The following ZFHX3 variants were observed in gnomAD, a reference collection of about 807,000 sequenced individuals.
ZFHX3 encodes zinc finger homeobox 3.
Under a neutral mutation model 279.1 loss-of-function variants are expected in ZFHX3, and 42 were observed. The observed-to-expected ratio is 0.15, with a 90% CI of 0.12 to 0.19. The LOEUF (loss-of-function observed/expected upper bound fraction) is 0.19. ZFHX3 is among the 10% of genes least tolerant of loss of function. The pLI is 1.00. For synonymous variants in ZFHX3, 2,293 were observed against 1,957.8 expected, an observed-to-expected ratio of 1.17 and a Z score of -4.52; for missense variants, 4,981 against 4,754.0, an observed-to-expected ratio of 1.05 and a Z score of -1.40.
chr16:73,166,646 C>T (rs987245006), intron 5 of ZFHX3, among the ~76,000 whole-genome samples: 5 of 152,260 alleles, frequency 3.3e-5, no homozygotes, highest in South Asian at 2.1e-4. Context: ...TGTGTGCTCC[C>T]TCTGATTTGG....
intron 1 of ZFHX3, among the ~76,000 whole-genome samples, chr16:73,851,039 A>T (rs1961582662): frequency 6.6e-6 from 1 of 152,238 alleles, no homozygotes; most frequent in African/African-American, 2.4e-5. Context: ...TTATTAAAAT[A>T]TATTGTGATT....
At chr16:73,531,904 C>A (rs1320049570) in intron 2 of ZFHX3, among the ~76,000 whole-genome samples, 1 of 151,714 alleles carries the variant, frequency 6.6e-6, no homozygotes, top group Non-Finnish European at 1.5e-5. Flanking sequence ...GCCTGGGCAA[C>A]ATAGTGAGAC....
chr16:72,852,692 T>C (rs1198430754), intron 4 of ZFHX3, among the ~76,000 whole-genome samples: 1 of 152,172 alleles, frequency 6.6e-6, no homozygotes, highest in East Asian at 1.9e-4. Flanking sequence ...AAAAGTTTCC[T>C]TTTTTTAAAA....
At chr16:73,670,577 C>A (rs2052894966) in intron 2 of ZFHX3, among the ~76,000 whole-genome samples, 1 of 152,284 alleles carries the variant, frequency 6.6e-6, no homozygotes, top group East Asian at 1.9e-4. Context: ...AGACCTTGGT[C>A]TTCTAACCTT....
At chr16:73,192,548 C>A (rs1029472238) in intron 5 of ZFHX3, among the ~76,000 whole-genome samples, 4 of 152,134 alleles carry the variant, frequency 2.6e-5, no homozygotes, top group African/African-American at 9.7e-5. Flanking sequence ...GTTTCTAATG[C>A]GTCTGAGCTG....
chr16:73,289,337 G>C (rs985400125), intron 4 of ZFHX3, among the ~76,000 whole-genome samples: 3 of 151,956 alleles, frequency 2.0e-5, no homozygotes, highest in African/African-American at 4.8e-5. Context: ...AGGGCAGGGT[G>C]GGGGGAGGTA....
intron 2 of ZFHX3, among the ~76,000 whole-genome samples, chr16:73,561,810 T>C (rs909806457): frequency 6.6e-6 from 1 of 152,170 alleles, no homozygotes; most frequent in African/African-American, 2.4e-5. Flanking sequence ...AAGTCCATTT[T>C]AATTGTTCCG....
intron 1 of ZFHX3, among the ~76,000 whole-genome samples, chr16:72,991,877 A>G (rs1247798054): frequency 6.6e-6 from 1 of 152,176 alleles, no homozygotes; most frequent in Non-Finnish European, 1.5e-5. Flanking sequence ...GTCAATGTTT[A>G]TCTGAGCCAA....
At chr16:73,411,760 G>A (rs1046437496) in intron 3 of ZFHX3, among the ~76,000 whole-genome samples, 15 of 152,128 alleles carry the variant, frequency 9.9e-5, no homozygotes, top group African/African-American at 3.1e-4. Flanking sequence ...GTGCAAGCTG[G>A]TCCTTTTTAT....
intron 1 of ZFHX3, among the ~76,000 whole-genome samples, chr16:73,702,261 A>T (rs865967572): frequency 6.6e-6 from 1 of 152,082 alleles, no homozygotes; most frequent in African/African-American, 2.4e-5. Flanking sequence ...CAAGTAGAAA[A>T]GTCCTGAGCT....
chr16:73,096,321 T>C (rs532329745), intron 7 of ZFHX3, among the ~76,000 whole-genome samples: 1 of 151,576 alleles, frequency 6.6e-6, no homozygotes, highest in African/African-American at 2.4e-5. Context: ...CTCCATCTCG[T>C]AGGCGCTCTT....
chr16:72,940,075 A>G (rs1053107250), intron 3 of ZFHX3, among the ~76,000 whole-genome samples: 2 of 151,776 alleles, frequency 1.3e-5, no homozygotes, highest in Non-Finnish European at 2.9e-5. Context: ...ACACCTGGCT[A>G]ATTTTTTAAA....
At chr16:73,349,577 C>A (rs924367596) in intron 3 of ZFHX3, among the ~76,000 whole-genome samples, 3 of 151,606 alleles carry the variant, frequency 2.0e-5, no homozygotes, top group Admixed American at 2.0e-4. Flanking sequence ...GGGTAGAGAG[C>A]TTGTCTATCG....
At chr16:72,907,563 G>C (rs1340033993) in intron 3 of ZFHX3, among the ~76,000 whole-genome samples, 2 of 142,044 alleles carry the variant, frequency 1.4e-5, no homozygotes, top group Non-Finnish European at 1.5e-5. Context: ...GTGTGTGTGT[G>C]TGTGTGTGTG....
chr16:73,302,703 G>C (rs78043887), intron 4 of ZFHX3, among the ~76,000 whole-genome samples: 1 of 152,178 alleles, frequency 6.6e-6, no homozygotes, highest in Non-Finnish European at 1.5e-5. Context: ...ACCTCAGGGA[G>C]TCAACAGTGG....
chr16:73,569,064 T>C (rs973533532), intron 2 of ZFHX3, among the ~76,000 whole-genome samples: 2 of 152,184 alleles, frequency 1.3e-5, no homozygotes, highest in African/African-American at 4.8e-5. Context: ...TGTGCCCTAA[T>C]GTGGAAGGGG....
intron 3 of ZFHX3, among the ~76,000 whole-genome samples, chr16:73,445,753 G>T (rs759884488): frequency 6.6e-6 from 1 of 152,120 alleles, no homozygotes; most frequent in Admixed American, 6.6e-5. Context: ...CTGTGCCTGC[G>T]GTAGGCAGGA....
chr16:73,623,094 T>G (rs1429647679), intron 2 of ZFHX3, among the ~76,000 whole-genome samples: 1 of 151,864 alleles, frequency 6.6e-6, no homozygotes, highest in Non-Finnish European at 1.5e-5. Flanking sequence ...CGAACTGCAG[T>G]GGCGCTATCT....
chr16:73,098,322 C>T (rs1008886530), intron 7 of ZFHX3, among the ~76,000 whole-genome samples: 1 of 151,964 alleles, frequency 6.6e-6, no homozygotes, highest in Non-Finnish European at 1.5e-5. Flanking sequence ...CCCGTCACAG[C>T]CTTCCAAAGT....
Sources: gnomAD v4.1 joint callset for allele counts (sites outside exome capture counted in the v4.1 genomes callset) on GRCh38, gnomAD v4.1.1 for gene constraint, MANE v1.5 for transcripts, NCBI Gene and HGNC (gene_info 2026-07-23, HGNC 2026-07-21) for gene names.